The following COX10 variants were observed in gnomAD, a reference collection of about 807,000 sequenced individuals.
The protein encoded by COX10 is cytochrome c oxidase assembly factor heme A:farnesyltransferase COX10.
COX10 carries 27 observed loss-of-function variants against 37.3 expected under a neutral mutation model. The observed-to-expected ratio is 0.72, with a 90% confidence interval of 0.53 to 1.00. The LOEUF is 1.00. COX10 is among the 50% of genes least tolerant of loss of function. The probability of loss-of-function intolerance (pLI) is 0.00; values close to 1 mark genes in which losing one functional copy is unlikely to be tolerated. For synonymous variants in COX10, 222 were observed against 229.1 expected (o/e 0.97, Z 0.28); for missense variants, 475 against 563.2 (o/e 0.84, Z 1.59).
At chr17:14,085,265 G>A (rs1396451475) in intron 3 of COX10, among the ~76,000 whole-genome samples, 1 of 152,118 alleles carries the variant, frequency 6.6e-6, no homozygotes, top group Non-Finnish European at 1.5e-5. Context: ...TTACGTTAGT[G>A]CATAGATAGT....
At chr17:14,194,370 C>T (rs1467219410) in intron 6 of COX10, among the ~76,000 whole-genome samples, 1 of 152,170 alleles carries the variant, frequency 6.6e-6, no homozygotes, top group Non-Finnish European at 1.5e-5. Context: ...CAGACAAGAG[C>T]CCTTATTTGT....
At chr17:14,102,280 A>G (rs147759103) in intron 4 of COX10, 38 bp downstream of exon 4, 283 of 1,612,524 alleles carry the variant, frequency 1.8e-4, no homozygotes, top group African/African-American at 1.0e-3. Context: ...TGTTATTGTC[A>G]CTTTTTCCTA....
chr17:14,084,955 C>T (rs1019726946), intron 3 of COX10, among the ~76,000 whole-genome samples: 12 of 152,152 alleles, frequency 7.9e-5, no homozygotes, highest in African/African-American at 2.4e-4. Context: ...TCACTGCACC[C>T]GGCCAATAAC....
chr17:14,084,099 G>A (rs6502333), intron 3 of COX10, among the ~76,000 whole-genome samples: 63,450 of 152,010 alleles, frequency 0.42, 13,464 homozygotes, highest in Admixed American at 0.49. Flanking sequence ...AAGCAGAAAT[G>A]GAGGATACAC....
intron 5 of COX10, chr17:14,177,179 G>T: frequency 1.4e-6 from 1 of 689,838 alleles, no homozygotes; most frequent in East Asian, 2.6e-5. Context: ...GGAATGTCTC[G>T]TCTTCTTCAT....
At chr17:14,159,648 T>C (rs1416062919) in intron 4 of COX10, among the ~76,000 whole-genome samples, 1 of 151,838 alleles carries the variant, frequency 6.6e-6, no homozygotes, top group Non-Finnish European at 1.5e-5. Flanking sequence ...ATTTTCAAAG[T>C]GGATAAAAGT....
rs2257822 is a variant in COX10 at position 14,171,601 on chromosome 17, A to G, written c.695+11654A>G. ...GAATGCGTCTTGAAGCTGAGAACCAAAGGTTGAGTAAGAAATAAGCCATTC... is the reference window on the plus strand; with the variant it reads ...GAATGCGTCTTGAAGCTGAGAACCAGAGGTTGAGTAAGAAATAAGCCATTC... On this transcript the variant is annotated intron_variant, in intron 5 of 6. Transcript: ENST00000261643. Among the ~76,000 whole-genome samples the G allele has an allele frequency of 6.5e-3, 964 of 148,712 alleles. 13 individuals are homozygous for G. The highest frequency in any genetic ancestry group is 0.024 in the African/African-American group (903 of 38,130).
intron 1 of COX10, among the ~76,000 whole-genome samples, chr17:14,070,741 C>T (rs767121038): frequency 1.3e-5 from 2 of 152,198 alleles, no homozygotes; most frequent in Non-Finnish European, 2.9e-5. Context: ...CATGAAATTG[C>T]GTTCTTCGTT....
At chr17:14,103,968 C>T (rs1280944876) in intron 4 of COX10, among the ~76,000 whole-genome samples, 2 of 152,106 alleles carry the variant, frequency 1.3e-5, no homozygotes, top group East Asian at 1.9e-4. Context: ...CCTCTTTCCT[C>T]CTTAGGCTGG....
At chr17:14,176,466 C>A (rs570981147) in intron 5 of COX10, among the ~76,000 whole-genome samples, 1 of 152,272 alleles carries the variant, frequency 6.6e-6, no homozygotes, top group South Asian at 2.1e-4. Context: ...ATAGAATTCT[C>A]CACCTCTTCT....
rs1486218510 is a variant in COX10, at chr17:14,087,294, A to G, written c.499+10238A>G. ...TCCATGCTACTTTTTTTTCTTTTGT[A>G]CCGTAGAGTCTTTTTTAATGAGTCG... On this transcript the variant is annotated intron_variant, in intron 3 of 6. Coordinates refer to ENST00000261643, the MANE Select transcript of COX10 (RefSeq NM_001303.4). Among the ~76,000 whole-genome samples, 4 of 151,790 alleles carry G rather than the reference A, an allele frequency of 2.6e-5. No homozygotes were observed. In the East Asian group the frequency reaches 7.7e-4, roughly 29 times the overall value.
At chr17:14,145,572 A>G (rs894052946) in intron 4 of COX10, among the ~76,000 whole-genome samples, 3 of 152,154 alleles carry the variant, frequency 2.0e-5, no homozygotes, top group Non-Finnish European at 4.4e-5. Flanking sequence ...ACAAGAAAGA[A>G]AAGAGCCTAG....
intron 4 of COX10, among the ~76,000 whole-genome samples, chr17:14,156,415 G>C (rs1367585464): frequency 6.6e-6 from 1 of 152,058 alleles, no homozygotes; most frequent in African/African-American, 2.4e-5. Flanking sequence ...GTTTTTAGTA[G>C]AGACGGGGTT....
chr17:14,101,169 T>G (rs1488756112), intron 3 of COX10, among the ~76,000 whole-genome samples: 1 of 152,162 alleles, frequency 6.6e-6, no homozygotes, highest in African/African-American at 2.4e-5. Context: ...GATAATCAAA[T>G]ATGCTTCCTA....
chr17:14,180,973 A>G (rs1434780115), intron 5 of COX10, among the ~76,000 whole-genome samples: 1 of 152,154 alleles, frequency 6.6e-6, no homozygotes, highest in East Asian at 1.9e-4. Context: ...CTGAAAAAAC[A>G]CAGCATAAGG....
At chr17:14,154,868 CTG>C (rs34492267) in intron 4 of COX10, among the ~76,000 whole-genome samples, 87,933 of 151,778 alleles carry the variant, frequency 0.58, 25,869 homozygotes, top group East Asian at 0.62. Flanking sequence ...GCAGTTTGCT[CTG>C]TTCCTGAGAT....
intron 6 of COX10, among the ~76,000 whole-genome samples, chr17:14,205,785 A>G (rs978281043): frequency 2.6e-5 from 4 of 151,876 alleles, no homozygotes; most frequent in African/African-American, 9.7e-5. Flanking sequence ...TTTTCACTGA[A>G]GTTTATAAAT....
In COX10 at chr17:14,127,417, A is replaced by T. The variant is rs555257615; in HGVS notation, c.624+25175A>T. The stretch of plus-strand genomic sequence containing the variant: ...ATTACCTCAGTTTTTTCATATATTT[A>T]CATACTGAGTGCAGGGAAGGAGAGA... On this transcript the variant is annotated intron_variant, in intron 4 of 6. Transcript: ENST00000261643. 8.7e-4 allele frequency among the ~76,000 whole-genome samples: 133 copies of T among 152,226 alleles called. 1 individual carries two copies. The highest frequency in any genetic ancestry group is 3.1e-3 in the African/African-American group (127 of 41,570).
intron 3 of COX10, among the ~76,000 whole-genome samples, chr17:14,089,530 T>C (rs1915479310): frequency 6.6e-6 from 1 of 152,216 alleles, no homozygotes; most frequent in African/African-American, 2.4e-5. Context: ...GAACTTCAGC[T>C]AAACCAGAAA....
Sources: gnomAD v4.1 joint callset for allele counts (sites outside exome capture counted in the v4.1 genomes callset) on GRCh38, gnomAD v4.1.1 for gene constraint, MANE v1.5 for transcripts, NCBI Gene and HGNC (gene_info 2026-07-23, HGNC 2026-07-21) for gene names.